Variants in DPYD observed in about 807,000 individuals in gnomAD.
DPYD encodes dihydropyrimidine dehydrogenase [NADP(+)].
A neutral mutation model predicts 116.2 loss-of-function variants in DPYD; 109 were observed. The observed-to-expected ratio is 0.94, with a 90% CI of 0.80 to 1.10. The LOEUF is 1.10. DPYD is among the 50% of genes least tolerant of loss of function. The pLI, the probability that DPYD is intolerant of heterozygous loss-of-function variation, is 0.00. For missense variants in DPYD, 1,302 were observed against 1,254.5 expected, an observed-to-expected ratio of 1.04 and a Z score of -0.57; for synonymous variants, 440 against 432.0, an observed-to-expected ratio of 1.02 and a Z score of -0.23.
chr1:97,785,039 A>C (rs939259336), intron 3 of DPYD, among the ~76,000 whole-genome samples: 1 of 152,210 alleles, frequency 6.6e-6, no homozygotes, highest in Admixed American at 6.5e-5. Context: ...AATAAACACA[A>C]ATAAATTTAT....
intron 20 of DPYD, among the ~76,000 whole-genome samples, chr1:97,175,611 A>G (rs867178031): frequency 1.7e-4 from 26 of 152,308 alleles, no homozygotes; most frequent in African/African-American, 6.0e-4. Context: ...AAAGCGATAA[A>G]GGAAGAATAA....
intron 3 of DPYD, among the ~76,000 whole-genome samples, chr1:97,762,290 C>G (rs1665614764): frequency 6.6e-6 from 1 of 151,898 alleles, no homozygotes; most frequent in Non-Finnish European, 1.5e-5. Context: ...TAAAATGTAC[C>G]ACAGAGTGAC....
At chr1:97,562,846 A>G (rs1652252956) in intron 11 of DPYD, among the ~76,000 whole-genome samples, 1 of 151,814 alleles carries the variant, frequency 6.6e-6, no homozygotes, top group African/African-American at 2.4e-5. Context: ...AGCCCCCCCG[A>G]GTAGCTGGGA....
intron 2 of DPYD, among the ~76,000 whole-genome samples, chr1:97,873,371 G>T (rs982566445): frequency 2.0e-5 from 3 of 151,892 alleles, no homozygotes; most frequent in African/African-American, 4.8e-5. Context: ...CATTACTCCA[G>T]AAGGTAACTT....
At chr1:97,344,258 G>C (rs1428687684) in intron 16 of DPYD, among the ~76,000 whole-genome samples, 1 of 151,836 alleles carries the variant, frequency 6.6e-6, no homozygotes, top group Non-Finnish European at 1.5e-5. Flanking sequence ...TCTAGAAGTA[G>C]GGCAGTATGA....
rs1412620726 is a variant in DPYD at position 97,227,258 on chromosome 1, T to TGGAGATTGCAGTGAGC, written c.2442+7578_2442+7593dup. Among the ~76,000 whole-genome samples the TGGAGATTGCAGTGAGC allele has an allele frequency of 9.4e-5, 12 of 127,186 alleles. No individual in the cohort carries two copies. The East Asian group carries it at 2.9e-3, about 31-fold the overall frequency. 83.4% of individuals were successfully genotyped at this position (127,186 alleles called of 152,430 possible). A position where few individuals can be genotyped will look rare whatever the true frequency, so the allele number is the denominator to read the frequency against. On this transcript the variant is annotated intron_variant, in intron 19 of 22. Transcript: ENST00000370192. ...AGGAAAATGGCTTGAATCTGGGAGG[T>TGGAGATTGCAGTGAGC]GGAGATTGCAGTGAGCCGAGATCGT...
chr1:97,887,751 T>C (rs1227215929), intron 1 of DPYD, among the ~76,000 whole-genome samples: 1 of 152,006 alleles, frequency 6.6e-6, no homozygotes, highest in Non-Finnish European at 1.5e-5. Flanking sequence ...TCTTGAATTG[T>C]AGTTCCCATA....
chr1:97,148,767 C>G (rs1402588364), intron 20 of DPYD, among the ~76,000 whole-genome samples: 3 of 152,144 alleles, frequency 2.0e-5, no homozygotes, highest in Admixed American at 2.0e-4. Flanking sequence ...ATTAAATAAG[C>G]AGAAACACTT....
At chr1:97,704,273 G>A (rs1214930212) in intron 5 of DPYD, among the ~76,000 whole-genome samples, 3 of 151,950 alleles carry the variant, frequency 2.0e-5, no homozygotes, top group Admixed American at 6.6e-5. Flanking sequence ...TGGGTGAATG[G>A]GGGGTAGTGA....
intron 11 of DPYD, among the ~76,000 whole-genome samples, chr1:97,552,104 G>A (rs1366319938): frequency 1.3e-5 from 2 of 152,032 alleles, no homozygotes; most frequent in East Asian, 3.9e-4. Flanking sequence ...TTATCATGAA[G>A]TTACTGAAGC....
intron 18 of DPYD, among the ~76,000 whole-genome samples, chr1:97,289,464 C>T (rs1297505935): frequency 1.3e-5 from 2 of 151,906 alleles, no homozygotes; most frequent in African/African-American, 4.8e-5. Flanking sequence ...ACGAATCCAG[C>T]AGCACATCAA....
chr1:97,312,209 A>C (rs970743714), intron 16 of DPYD, among the ~76,000 whole-genome samples: 29 of 151,878 alleles, frequency 1.9e-4, no homozygotes, highest in African/African-American at 7.0e-4. Flanking sequence ...TTAGAAAAAC[A>C]AAAGAATAAA....
At chr1:97,195,656 A>G (rs12086534) in intron 19 of DPYD, among the ~76,000 whole-genome samples, 569 of 22,708 alleles carry the variant, frequency 0.025, 35 homozygotes, top group East Asian at 0.081. Flanking sequence ...ATATATATAT[A>G]TATATATATA....
At chr1:97,223,147 C>T (rs1660886980) in intron 19 of DPYD, among the ~76,000 whole-genome samples, 1 of 152,018 alleles carries the variant, frequency 6.6e-6, no homozygotes, top group African/African-American at 2.4e-5. Context: ...TTCTTTTTCT[C>T]TAATTTTAAT....
intron 3 of DPYD, among the ~76,000 whole-genome samples, chr1:97,823,152 T>G (rs1669048599): frequency 6.6e-6 from 1 of 151,946 alleles, no homozygotes; most frequent in South Asian, 2.1e-4. Flanking sequence ...TTTGTTTTGT[T>G]TTTTGTTTTT....
At chr1:97,875,108 T>C (rs890831067) in intron 2 of DPYD, among the ~76,000 whole-genome samples, 3 of 151,972 alleles carry the variant, frequency 2.0e-5, no homozygotes, top group Non-Finnish European at 4.4e-5. Flanking sequence ...TTGAGTCTTC[T>C]TTTATTCTAT....
intron 16 of DPYD, among the ~76,000 whole-genome samples, chr1:97,342,103 A>T (rs1420364428): frequency 6.6e-6 from 1 of 152,218 alleles, no homozygotes; most frequent in Non-Finnish European, 1.5e-5. Flanking sequence ...ATTTCAGAGA[A>T]GTATAATTTT....
chr1:97,830,490 G>GATC (rs2101491053), intron 2 of DPYD, among the ~76,000 whole-genome samples: 1 of 152,100 alleles, frequency 6.6e-6, no homozygotes, highest in East Asian at 1.9e-4. Flanking sequence ...GAGGTGGGCG[G>GATC]ATCATGAGGT....
chr1:97,633,057 C>T (rs1030577698), intron 8 of DPYD, among the ~76,000 whole-genome samples: 1 of 152,076 alleles, frequency 6.6e-6, no homozygotes, highest in African/African-American at 2.4e-5. Context: ...GGCCACATGG[C>T]TTTCTTTAGT....
Sources: gnomAD v4.1 joint callset for allele counts (sites outside exome capture counted in the v4.1 genomes callset) on GRCh38, gnomAD v4.1.1 for gene constraint, MANE v1.5 for transcripts, NCBI Gene and HGNC (gene_info 2026-07-23, HGNC 2026-07-21) for gene names.